ASAP2: variants seen among roughly 807,000 people sequenced by gnomAD.
The protein encoded by ASAP2 is arf-GAP with SH3 domain, ANK repeat and PH domain-containing protein 2.
ASAP2 carries 45 observed loss-of-function variants against 131.4 expected under a neutral mutation model. The ratio of observed to expected loss-of-function variants is 0.34; its 90% confidence interval spans 0.27 to 0.44. ASAP2 has a LOEUF of 0.44. ASAP2 is among the 20% of genes least tolerant of loss of function. The pLI is 1.00. For missense variants in ASAP2, 1,011 were observed against 1,297.0 expected, an observed-to-expected ratio of 0.78 and a Z score of 3.39; for synonymous variants, 510 against 503.0, an observed-to-expected ratio of 1.01 and a Z score of -0.19.
intron 1 of ASAP2, among the ~76,000 whole-genome samples, chr2:9,227,640 G>C (rs1378619758): frequency 6.6e-6 from 1 of 152,154 alleles, no homozygotes; most frequent in Non-Finnish European, 1.5e-5. Flanking sequence ...ACTTTAACCA[G>C]GATCTTACAG....
intron 11 of ASAP2, among the ~76,000 whole-genome samples, chr2:9,348,330 G>T (rs1312462725): frequency 2.7e-5 from 4 of 149,604 alleles, no homozygotes; most frequent in Non-Finnish European, 5.9e-5. Flanking sequence ...AAATCAGCCA[G>T]GTCAGGCTGA....
At chr2:9,229,273 C>T (rs1011089224) in intron 1 of ASAP2, among the ~76,000 whole-genome samples, 3 of 152,162 alleles carry the variant, frequency 2.0e-5, no homozygotes, top group Non-Finnish European at 2.9e-5. Context: ...TGGTGGACTT[C>T]GCAGTTGCCC....
intron 18 of ASAP2, among the ~76,000 whole-genome samples, chr2:9,378,637 T>A (rs982107388): frequency 5.9e-5 from 9 of 152,206 alleles, no homozygotes; most frequent in Admixed American, 1.3e-4. Flanking sequence ...GGCTCTAGGT[T>A]CACCCCGGTA....
chr2:9,356,705 C>G (rs2148652790), intron 14 of ASAP2, among the ~76,000 whole-genome samples: 1 of 152,272 alleles, frequency 6.6e-6, no homozygotes, highest in Non-Finnish European at 1.5e-5. Context: ...GGAATCTGCT[C>G]TCTTCTCCCT....
chr2:9,385,736 A>G (rs903590240), intron 21 of ASAP2, among the ~76,000 whole-genome samples: 7 of 152,232 alleles, frequency 4.6e-5, no homozygotes, highest in African/African-American at 1.7e-4. Context: ...TTGATCTTAT[A>G]AAAACATCAA....
rs572517590 is a variant in ASAP2, at chr2:9,403,689, G to T, written c.*362G>T. The T allele has an allele frequency of 4.1e-5, 8 of 195,898 alleles. No homozygotes were observed. Among genetic ancestry groups the T allele is most frequent in the Non-Finnish European group, 6.3e-5 (6 of 95,856 alleles). 12.1% of individuals were successfully genotyped at this position (195,898 alleles called of 1,614,324 possible). ...CTGCATTCCTTGGCCCAGTTCTGGA[G>T]TTGGTGACCTTTATCACAATTATTA... On this transcript the variant is annotated 3_prime_UTR_variant, in exon 28 of 28. Coordinates refer to ENST00000281419, the MANE Select transcript of ASAP2 (RefSeq NM_003887.3).
At chr2:9,229,326 C>A (rs565327439) in intron 1 of ASAP2, among the ~76,000 whole-genome samples, 1 of 152,122 alleles carries the variant, frequency 6.6e-6, no homozygotes, top group South Asian at 2.1e-4. Context: ...CAGTGGTGCC[C>A]GCCACAGTGA....
rs1334379934 is a variant in ASAP2 at position 9,232,075 on chromosome 2, G to A, written c.126+24845G>A. 6.6e-6 allele frequency among the ~76,000 whole-genome samples: 1 copy of A among 152,218 alleles called. No homozygotes were observed. The highest frequency in any genetic ancestry group is 1.5e-5 in the Non-Finnish European group (1 of 68,042). On this transcript the variant is annotated intron_variant, in intron 1 of 27. Transcript: ENST00000281419. The surrounding 1 kb of genome is among the most constrained non-coding windows in gnomAD (Gnocchi z 4.1). ...ATTCAACAGCCTCTGCTCCCACTGA[G>A]GTCATGGTGATTGTCTTAAAGATTT...
chr2:9,374,256 C>T (rs1315790974), intron 16 of ASAP2, among the ~76,000 whole-genome samples: 1 of 152,154 alleles, frequency 6.6e-6, no homozygotes, highest in Non-Finnish European at 1.5e-5. Flanking sequence ...GGCATGGTGC[C>T]TACAAAAAAG....
intron 18 of ASAP2, among the ~76,000 whole-genome samples, chr2:9,378,148 T>C (rs1674548307): frequency 6.6e-6 from 1 of 152,122 alleles, no homozygotes; most frequent in Admixed American, 6.5e-5. Context: ...ATTGAAAATG[T>C]AATTGGTTTC....
chr2:9,344,523 A>AT lies in ASAP2; in HGVS notation c.850-3dup, dbSNP rs1558350209. 2.5e-6 allele frequency: 4 copies of AT among 1,610,950 alleles called. No individual in the cohort carries two copies. In the South Asian group the frequency reaches 3.3e-5, roughly 13 times the overall value. ...CAAGATTAAAAACACACTCTTCACCATTTTTTAGGACTCCCAAATTCGTCA... is the reference window on the plus strand; with the variant it reads ...CAAGATTAAAAACACACTCTTCACCATTTTTTTAGGACTCCCAAATTCGTCA... On this transcript the variant is annotated splice_polypyrimidine_tract_variant and intron_variant, in intron 9 of 27. Transcript: ENST00000281419.
intron 1 of ASAP2, among the ~76,000 whole-genome samples, chr2:9,210,476 T>C (rs530290640): frequency 6.6e-6 from 1 of 152,214 alleles, no homozygotes; most frequent in African/African-American, 2.4e-5. Flanking sequence ...GGATGGGATT[T>C]ACATGGGGGG....
chr2:9,243,133 G>A (rs1383860647), intron 1 of ASAP2, among the ~76,000 whole-genome samples: 1 of 152,142 alleles, frequency 6.6e-6, no homozygotes, highest in Admixed American at 6.5e-5. Context: ...TTTTGAGACG[G>A]AGTCTTGCTC....
intron 1 of ASAP2, among the ~76,000 whole-genome samples, chr2:9,240,714 C>T (rs1663902894): frequency 6.6e-6 from 1 of 152,194 alleles, no homozygotes; most frequent in South Asian, 2.1e-4. Flanking sequence ...TTAGCAACCT[C>T]AGCATAGGAA....
At chr2:9,239,153 G>A (rs539248559) in intron 1 of ASAP2, among the ~76,000 whole-genome samples, 24 of 152,222 alleles carry the variant, frequency 1.6e-4, no homozygotes, top group African/African-American at 5.5e-4. Context: ...TGCTTTTTCC[G>A]CACTGACTGA....
intron 1 of ASAP2, among the ~76,000 whole-genome samples, chr2:9,230,255 C>A (rs554410480): frequency 1.2e-4 from 19 of 152,238 alleles, no homozygotes; most frequent in South Asian, 1.0e-3. Flanking sequence ...TCAGTCATAA[C>A]CTTCAGGAGT....
At position 9,232,405 on chromosome 2, in the gene ASAP2, C is replaced by T. The variant is rs1470430236; in HGVS notation, c.126+25175C>T. On this transcript the variant is annotated intron_variant, in intron 1 of 27. Coordinates refer to ENST00000281419, the MANE Select transcript of ASAP2 (RefSeq NM_003887.3). The surrounding 1 kb of genome is among the most constrained non-coding windows in gnomAD (Gnocchi z 4.1). ...GCCCTCCTCTGCTGGCTTTGTGCCC[C>T]CGTACCCCTTTCGCAGCTGACTGTC... Among the ~76,000 whole-genome samples, 1 of 152,232 alleles carries T rather than the reference C, an allele frequency of 6.6e-6. No individual in the cohort carries two copies. The highest frequency in any genetic ancestry group is 1.5e-5 in the Non-Finnish European group (1 of 68,042).
intron 25 of ASAP2, 28 bp from the exon 26 acceptor site, chr2:9,400,714 C>T (rs1254492002): frequency 6.3e-7 from 1 of 1,581,182 alleles, no homozygotes; most frequent in Non-Finnish European, 8.7e-7. Context: ...GATGGGATGT[C>T]TTAAGCTGCT....
intron 1 of ASAP2, among the ~76,000 whole-genome samples, chr2:9,254,866 G>C (rs1665049455): frequency 1.3e-5 from 2 of 152,130 alleles, no homozygotes; most frequent in South Asian, 2.1e-4. Context: ...GGCTATTATG[G>C]ATAAAGCTTC....
Sources: gnomAD v4.1 joint callset for allele counts (sites outside exome capture counted in the v4.1 genomes callset) on GRCh38, gnomAD v4.1.1 for gene constraint, Gnocchi (gnomAD v3.1) non-coding constraint, MANE v1.5 for transcripts, NCBI Gene and HGNC (gene_info 2026-07-23, HGNC 2026-07-21) for gene names.